The following ZFYVE16 variants were observed in gnomAD, a reference collection of about 807,000 sequenced individuals.
ZFYVE16 encodes zinc finger FYVE-type containing 16.
A neutral mutation model predicts 138.1 loss-of-function variants in ZFYVE16; 89 were observed. The ratio of observed to expected loss-of-function variants is 0.64; its 90% confidence interval spans 0.54 to 0.77. ZFYVE16 has a LOEUF of 0.77. ZFYVE16 is among the 30% of genes least tolerant of loss of function. The pLI is 0.00. For synonymous variants in ZFYVE16, 596 were observed against 618.3 expected (o/e 0.96, Z 0.53); for missense variants, 1,793 against 1,786.7 (o/e 1.00, Z -0.06).
intron 15 of ZFYVE16, among the ~76,000 whole-genome samples, chr5:80,465,551 A>G (rs1580343001): frequency 1.3e-5 from 2 of 150,892 alleles, no homozygotes; most frequent in African/African-American, 2.4e-5. Context: ...AACTACAGAC[A>G]TGTACCACCA....
intron 5 of ZFYVE16, chr5:80,440,491 A>C: frequency 2.0e-6 from 2 of 985,470 alleles, no homozygotes; most frequent in Non-Finnish European, 2.4e-6. Context: ...AATATTTATG[A>C]TTTTATAAAT....
At position 80,437,698 on chromosome 5, in the gene ZFYVE16, T is replaced by C. The variant is rs758227419; in HGVS notation, c.1013T>C (p.Ile338Thr). 2.5e-6 allele frequency: 4 copies of C among 1,613,692 alleles called. No homozygotes were observed. Among genetic ancestry groups the C allele is most frequent in the South Asian group, 2.2e-5 (2 of 91,050 alleles). The change falls in exon 4 of 19, where the codon ATA becomes ACA. Residue 338 changes from isoleucine (I) to threonine (T), a missense_variant. Ile to Thr is a moderately conservative substitution (Grantham distance 89). Around this residue, in one of 2 missense-constraint regions of ZFYVE16, gnomAD observed 1,295 missense variants for 1,204.3 expected, o/e 1.08. Coordinates refer to ENST00000505560, the MANE Select transcript of ZFYVE16 (RefSeq NM_001284236.3). ...TCCTTTCAGGAAGATAAGACTGTTATAAAACAATCTGCACAAGAAGACTCA... is the reference window on the plus strand; with the variant it reads ...TCCTTTCAGGAAGATAAGACTGTTACAAAACAATCTGCACAAGAAGACTCA... Reference protein sequence around the residue: ...DFSFQEDKTVIKQSAQEDSKS... With the variant: ...DFSFQEDKTVTKQSAQEDSKS...
intron 2 of ZFYVE16, among the ~76,000 whole-genome samples, chr5:80,429,029 T>C (rs1748575668): frequency 6.6e-6 from 1 of 152,118 alleles, no homozygotes; most frequent in African/African-American, 2.4e-5. Context: ...TGGAAAACAC[T>C]CTTCAGGATA....
chr5:80,427,988 A>AT (rs1748376971), intron 2 of ZFYVE16, among the ~76,000 whole-genome samples: 12 of 150,534 alleles, frequency 8.0e-5, no homozygotes, highest in Admixed American at 2.0e-4. Flanking sequence ...AAAAAAAAAA[A>AT]AAAAAAAAGA....
chr5:80,423,256 TTA>T (rs1207410017), intron 1 of ZFYVE16, among the ~76,000 whole-genome samples: 6 of 152,146 alleles, frequency 3.9e-5, no homozygotes, highest in Non-Finnish European at 7.4e-5. Flanking sequence ...TTTTGGCCGT[TTA>T]TATCATTTGA....
chr5:80,416,101 A>C (rs1746174498), intron 1 of ZFYVE16, among the ~76,000 whole-genome samples: 1 of 152,084 alleles, frequency 6.6e-6, no homozygotes, highest in Non-Finnish European at 1.5e-5. Flanking sequence ...TGCGCTGCAC[A>C]CTTAAGGAAT....
intron 15 of ZFYVE16, among the ~76,000 whole-genome samples, chr5:80,467,812 C>A (rs1293690087): frequency 2.0e-5 from 3 of 151,958 alleles, no homozygotes; most frequent in Non-Finnish European, 4.4e-5. Flanking sequence ...ACTTACAAGA[C>A]AAAGGGTATA....
rs559866705 is a variant in ZFYVE16, at chr5:80,450,290, C to A, written c.3227-141C>A. ...TTTCTTACTTTATATAAATCTTATA[C>A]AATTCAATTTAAGGTTTTCATAAGG... On this transcript the variant is annotated intron_variant, in intron 9 of 18. Transcript: ENST00000505560. 11 of 733,044 alleles carry A rather than the reference C, an allele frequency of 1.5e-5. No homozygotes were observed. In the South Asian group the frequency reaches 2.1e-4, roughly 14 times the overall value. 45.4% of individuals were successfully genotyped at this position (733,044 alleles called of 1,614,324 possible).
At position 80,477,332 on chromosome 5, in the gene ZFYVE16, A is replaced by G. The variant is rs776475409; in HGVS notation, c.4575A>G (p.Pro1525=). 9.9e-6 allele frequency: 16 copies of G among 1,609,566 alleles called. No homozygotes were observed. Among genetic ancestry groups the G allele is most frequent in the Non-Finnish European group, 1.3e-5 (15 of 1,178,424 alleles). ...IHGGTSNSSL[P]LEIELVFFII... ...GTGGGACCTCCAACTCTAGTTTACCATTAGAAATAGAATTAGTGTTTTTCA... is the reference window on the plus strand; with the variant it reads ...GTGGGACCTCCAACTCTAGTTTACCGTTAGAAATAGAATTAGTGTTTTTCA... The change falls in exon 19 of 19, where the codon CCA becomes CCG. Residue 1525 remains proline, a synonymous_variant. Transcript: ENST00000505560.
chr5:80,442,527 C>G (rs529962102), intron 5 of ZFYVE16, among the ~76,000 whole-genome samples: 4 of 152,066 alleles, frequency 2.6e-5, no homozygotes, highest in African/African-American at 9.6e-5. Context: ...ACATTCTAGG[C>G]CAAGGGAATA....
chr5:80,482,174 A>C lies in ZFYVE16; in HGVS notation c.*4797A>C, dbSNP rs374814687. ...ACAAAGAAGACATTTCTCCAAAGGA[A>C]ATATATAAAGGGAAACACTGTTGAA... is the stretch of plus-strand genomic sequence containing the variant. On this transcript the variant is annotated 3_prime_UTR_variant, in exon 19 of 19. Coordinates refer to ENST00000505560, the MANE Select transcript of ZFYVE16 (RefSeq NM_001284236.3). 1.1e-4 allele frequency: 17 copies of C among 152,334 alleles called. 1 individual carries two copies. Among genetic ancestry groups the C allele is most frequent in the African/African-American group, 3.8e-4 (16 of 41,570 alleles). 9.4% of individuals were successfully genotyped at this position (152,334 alleles called of 1,614,324 possible).
chr5:80,452,612 C>G (rs991180074), intron 11 of ZFYVE16, among the ~76,000 whole-genome samples: 5 of 152,048 alleles, frequency 3.3e-5, no homozygotes, highest in African/African-American at 1.2e-4. Flanking sequence ...CGTTGCGTCT[C>G]TCAATTTTTC....
At chr5:80,448,881 T>C (rs182678076) in intron 8 of ZFYVE16, among the ~76,000 whole-genome samples, 1 of 152,238 alleles carries the variant, frequency 6.6e-6, no homozygotes, top group Non-Finnish European at 1.5e-5. Flanking sequence ...AAGGTCCTTT[T>C]CAAGCAGGAG....
At chr5:80,422,893 T>C (rs1747440162) in intron 1 of ZFYVE16, among the ~76,000 whole-genome samples, 1 of 152,244 alleles carries the variant, frequency 6.6e-6, no homozygotes, top group African/African-American at 2.4e-5. Context: ...TCATGATGTA[T>C]AATTTTTCAA....
chr5:80,421,337 T>C (rs1472936161), intron 1 of ZFYVE16, among the ~76,000 whole-genome samples: 6 of 152,328 alleles, frequency 3.9e-5, no homozygotes, highest in African/African-American at 1.4e-4. Context: ...TTTGTTGCCA[T>C]TGCTTTGGTG....
intron 15 of ZFYVE16, among the ~76,000 whole-genome samples, chr5:80,463,533 C>T (rs1009632260): frequency 1.4e-5 from 2 of 146,044 alleles, no homozygotes; most frequent in Non-Finnish European, 2.9e-5. Flanking sequence ...GTGAAGGTCT[C>T]TGGTATGCCC....
At chr5:80,467,360 C>T (rs776373343) in intron 15 of ZFYVE16, among the ~76,000 whole-genome samples, 2 of 152,172 alleles carry the variant, frequency 1.3e-5, no homozygotes, top group African/African-American at 2.4e-5. Context: ...TGACCTTGAG[C>T]CTCTGCACAA....
chr5:80,424,125 T>G (rs1291133208), intron 1 of ZFYVE16, among the ~76,000 whole-genome samples: 1 of 151,946 alleles, frequency 6.6e-6, no homozygotes, highest in Non-Finnish European at 1.5e-5. Flanking sequence ...TTTGTATTTT[T>G]TAGTAGAGAC....
Position 80,438,049 on chromosome 5 carries a change from A to G in ZFYVE16, c.1364A>G (p.Lys455Arg), listed in dbSNP as rs766014829. Reference sequence around the variant, plus strand: ...TTAATTGAAGGGATGGAAGACAGAAAGATAGATCCTGACCAGACAGTAATC... The same window carrying G: ...TTAATTGAAGGGATGGAAGACAGAAGGATAGATCCTGACCAGACAGTAATC... ...QSLIEGMEDRKIDPDQTVIRA... is the reference protein window; with the variant it reads ...QSLIEGMEDRRIDPDQTVIRA... Residue 455 changes from lysine to arginine, a missense_variant, in exon 4 of 19, where the codon AAG (lysine) becomes AGG (arginine). Lys to Arg is a conservative substitution (Grantham distance 26). Coordinates refer to ENST00000505560, the MANE Select transcript of ZFYVE16 (RefSeq NM_001284236.3). 2.4e-5 allele frequency: 38 copies of G among 1,613,230 alleles called. No individual in the cohort carries two copies. Among genetic ancestry groups the G allele is most frequent in the Non-Finnish European group, 3.1e-5 (37 of 1,179,880 alleles).
Sources: gnomAD v4.1 joint callset for allele counts (sites outside exome capture counted in the v4.1 genomes callset) on GRCh38, gnomAD v4.1.1 for gene constraint, gnomAD v4.1.1 regional missense constraint, MANE v1.5 for transcripts, NCBI Gene and HGNC (gene_info 2026-07-23, HGNC 2026-07-21) for gene names.